Variants in CCDC169 observed in about 807,000 individuals in gnomAD.
CCDC169 encodes the protein coiled-coil domain containing 169.
CCDC169 carries 30 observed loss-of-function variants against 36.0 expected under a neutral mutation model. The observed-to-expected ratio is 0.83, with a 90% CI of 0.62 to 1.13. CCDC169 has a LOEUF of 1.13. Ranked by LOEUF, CCDC169 falls within the 50% of genes most tolerant of loss-of-function variation. The pLI is 0.00. For missense variants in CCDC169, 245 were observed against 245.9 expected (o/e 1.00, Z 0.03); for synonymous variants, 85 against 81.5 (o/e 1.04, Z -0.23).
intron 2 of CCDC169, among the ~76,000 whole-genome samples, chr13:36,289,762 T>A (rs921781558): frequency 1.3e-4 from 20 of 152,220 alleles, no homozygotes; most frequent in Non-Finnish European, 1.9e-4. Context: ...TAACCTTCTG[T>A]ATTGCCTTTA....
intron 4 of CCDC169, among the ~76,000 whole-genome samples, chr13:36,263,411 G>A (rs1874848027): frequency 6.6e-6 from 1 of 152,076 alleles, no homozygotes; most frequent in Non-Finnish European, 1.5e-5. Flanking sequence ...AATGGAAGCA[G>A]CTGATTTATA....
chr13:36,233,787 G>A (rs926663329), intron 7 of CCDC169, among the ~76,000 whole-genome samples: 2 of 152,132 alleles, frequency 1.3e-5, no homozygotes, highest in East Asian at 1.9e-4. Context: ...TAAAGTGAAG[G>A]AAATTAAAAT....
chr13:36,264,610 T>G (rs980894439), intron 4 of CCDC169, among the ~76,000 whole-genome samples: 1 of 152,218 alleles, frequency 6.6e-6, no homozygotes, highest in African/African-American at 2.4e-5. Flanking sequence ...TCTGTTACTT[T>G]CAGGTGTGAA....
chr13:36,230,020 C>T, downstream of CCDC169, among the ~76,000 whole-genome samples: 1 of 152,042 alleles, frequency 6.6e-6, no homozygotes, highest in Admixed American at 6.6e-5. Flanking sequence ...TAGAAAGTTA[C>T]TTTATATTTT....
rs1199679457 is a variant in CCDC169 at position 36,230,791 on chromosome 13, T to A, written c.*402A>T. 3 of 987,648 alleles carry A rather than the reference T, an allele frequency of 3.0e-6. No homozygotes were observed. Among genetic ancestry groups the A allele is most frequent in the Non-Finnish European group, 3.6e-6 (3 of 831,674 alleles). 61.2% of individuals were successfully genotyped at this position (987,648 alleles called of 1,614,324 possible). On this transcript the variant is annotated 3_prime_UTR_variant, in exon 8 of 8. Transcript: ENST00000239859. ...CTTGATTTTCGGCTTTGTTTAAACC[T>A]GCAATTTAAAAAACTGAGCAAGATC... is the stretch of plus-strand genomic sequence containing the variant.
chr13:36,227,467 T>G (rs1357740566), downstream of CCDC169: 2 of 1,345,192 alleles, frequency 1.5e-6, no homozygotes, highest in East Asian at 5.2e-5. Context: ...ACCAGTTTAT[T>G]GTATTTTTAC....
At chr13:36,236,064 TG>T (rs1871038593) in intron 7 of CCDC169, among the ~76,000 whole-genome samples, 1 of 152,024 alleles carries the variant, frequency 6.6e-6, no homozygotes, top group Non-Finnish European at 1.5e-5. Context: ...ATTGTTAAGA[TG>T]GCAACACTAC....
In CCDC169 at chr13:36,248,632, A is replaced by G; in HGVS notation, c.519T>C (p.Pro173=). The G allele has an allele frequency of 6.4e-7, 1 of 1,550,712 alleles. No homozygotes were observed. Among genetic ancestry groups the G allele is most frequent in the South Asian group, 1.2e-5 (1 of 84,002 alleles). Residue 173 remains proline (P), a synonymous_variant, in exon 7 of 8, where the codon CCT becomes CCC. Transcript: ENST00000239859. ...TTTTCACTAGATTCTCTTGCATCCT[A>G]GGCAGTTGATCCACCTGTTGCCTTT... The part of the protein sequence containing the change: ...VSKRQQVDQL[P]RMQENLVKTG...
downstream of CCDC169, among the ~76,000 whole-genome samples, chr13:36,227,637 T>C (rs1297682887): frequency 2.0e-5 from 3 of 152,236 alleles, no homozygotes; most frequent in Non-Finnish European, 2.9e-5. Context: ...AAAATGTTAA[T>C]GTATATTTAA....
At chr13:36,279,522 T>A (rs1228880909) in intron 4 of CCDC169, among the ~76,000 whole-genome samples, 2 of 152,200 alleles carry the variant, frequency 1.3e-5, no homozygotes, top group African/African-American at 4.8e-5. Flanking sequence ...GTTCTCAAAC[T>A]TTTTTATTAG....
chr13:36,290,435 C>T (rs1443563032), intron 2 of CCDC169, among the ~76,000 whole-genome samples: 1 of 152,134 alleles, frequency 6.6e-6, no homozygotes, highest in South Asian at 2.1e-4. Context: ...GGGCTTATTA[C>T]CTTTTTGTTT....
chr13:36,249,502 G>A (rs11840121), intron 6 of CCDC169, among the ~76,000 whole-genome samples: 24,262 of 152,048 alleles, frequency 0.16, 2,000 homozygotes, highest in Non-Finnish European at 0.18. Context: ...GCATGATGGC[G>A]GGGTCACAAG....
chr13:36,288,292 G>A (rs1197389844), intron 2 of CCDC169, among the ~76,000 whole-genome samples: 2 of 152,148 alleles, frequency 1.3e-5, no homozygotes, highest in Admixed American at 1.3e-4. Context: ...GGGATTACAG[G>A]CGTGAGCCAC....
chr13:36,251,009 T>G (rs1873080609), intron 6 of CCDC169, among the ~76,000 whole-genome samples: 1 of 152,234 alleles, frequency 6.6e-6, no homozygotes, highest in African/African-American at 2.4e-5. Flanking sequence ...GTTTATTATG[T>G]GCTGCAAAAA....
Position 36,231,034 on chromosome 13 carries a change from C to G in CCDC169, c.*159G>C, listed in dbSNP as rs772974917. 98 of 1,403,286 alleles carry G rather than the reference C, an allele frequency of 7.0e-5. No homozygotes were observed. The highest frequency in any genetic ancestry group is 4.9e-5 in the Non-Finnish European group (53 of 1,082,740). 86.9% of individuals were successfully genotyped at this position (1,403,286 alleles called of 1,614,324 possible). A position where few individuals can be genotyped will look rare whatever the true frequency, so the allele number is the denominator to read the frequency against. ...GTCACTGGAGAAAATTACTTTTATGCAGACAAAGGAACACACGTCTGGAAA... is the reference window on the plus strand; with the variant it reads ...GTCACTGGAGAAAATTACTTTTATGGAGACAAAGGAACACACGTCTGGAAA... On this transcript the variant is annotated 3_prime_UTR_variant, in exon 8 of 8. Coordinates refer to ENST00000239859, the MANE Select transcript of CCDC169 (RefSeq NM_001144981.3).
At chr13:36,252,757 CTTTA>C (rs1449320127) in intron 6 of CCDC169, among the ~76,000 whole-genome samples, 2 of 152,068 alleles carry the variant, frequency 1.3e-5, no homozygotes, top group Non-Finnish European at 2.9e-5. Flanking sequence ...ATTTTCAAAT[CTTTA>C]TTTGTTTCCT....
intron 4 of CCDC169, among the ~76,000 whole-genome samples, chr13:36,257,488 G>A (rs1463496059): frequency 9.3e-6 from 1 of 107,918 alleles, no homozygotes; most frequent in Non-Finnish European, 1.9e-5. Context: ...GGCAGATCAC[G>A]AGGTCAAGAG....
intron 4 of CCDC169, chr13:36,281,289 GA>G (rs35267999): frequency 8.7e-5 from 36 of 412,254 alleles, no homozygotes; most frequent in Admixed American, 1.4e-4. Flanking sequence ...AAAGAAAAGA[GA>G]AAAAAAAAAC....
At position 36,295,772 on chromosome 13, in the gene CCDC169, ATATACCTTCAT is replaced by A; in HGVS notation, c.158_163+5del. The A allele has an allele frequency of 6.9e-7, 1 of 1,454,216 alleles. No individual in the cohort carries two copies. The highest frequency in any genetic ancestry group is 9.4e-7 in the Non-Finnish European group (1 of 1,062,486). The allele number at this position is 1,454,216 out of a possible 1,614,324, so 90.1% of individuals were successfully genotyped here. A position where few individuals can be genotyped will look rare whatever the true frequency, so the allele number is the denominator to read the frequency against. On this transcript the variant is annotated splice_donor_variant and splice_donor_5th_base_variant and coding_sequence_variant and intron_variant, in exon 2 of 8. Transcript: ENST00000239859. LOFTEE classifies it high-confidence loss of function. ...GAGTCACAAATATAAGTATTTACTT[ATATACCTTCAT>A]TGTCAGTATTGAGTTTGGCTTCCAG...
Sources: gnomAD v4.1 joint callset for allele counts (sites outside exome capture counted in the v4.1 genomes callset) on GRCh38, gnomAD v4.1.1 for gene constraint, MANE v1.5 for transcripts, NCBI Gene and HGNC (gene_info 2026-07-23, HGNC 2026-07-21) for gene names.